Variants in TNRC6B observed in about 807,000 individuals in gnomAD.
The protein encoded by TNRC6B is trinucleotide repeat-containing gene 6B protein.
In TNRC6B, 52 loss-of-function variants were observed where a neutral mutation model predicts 203.6. The observed-to-expected ratio is 0.26, with a 90% confidence interval of 0.20 to 0.32. The LOEUF (loss-of-function observed/expected upper bound fraction) is 0.32, where lower values mean the gene tolerates loss of function less well. TNRC6B is among the 10% of genes least tolerant of loss of function. TNRC6B has a pLI of 1.00. For missense variants in TNRC6B, 1,923 were observed against 2,286.2 expected, an observed-to-expected ratio of 0.84 and a Z score of 3.24; for synonymous variants, 838 against 845.7, an observed-to-expected ratio of 0.99 and a Z score of 0.16.
intron 1 of TNRC6B, among the ~76,000 whole-genome samples, chr22:40,070,941 A>G (rs141609747): frequency 2.2e-4 from 33 of 152,312 alleles, no homozygotes; most frequent in African/African-American, 1.9e-4. Flanking sequence ...ATGTCAGTTC[A>G]GGTCAGACCT....
At chr22:40,083,826 T>G (rs560613713) in intron 1 of TNRC6B, among the ~76,000 whole-genome samples, 1 of 152,280 alleles carries the variant, frequency 6.6e-6, no homozygotes, top group South Asian at 2.1e-4. Context: ...CAGATCGTTG[T>G]ATTATGGTAT....
intron 1 of TNRC6B, among the ~76,000 whole-genome samples, chr22:40,098,493 C>A (rs544657526): frequency 6.6e-6 from 1 of 151,946 alleles, no homozygotes; most frequent in African/African-American, 2.4e-5. Flanking sequence ...CTCTGCATCC[C>A]GCCATCAGTA....
intron 12 of TNRC6B, among the ~76,000 whole-genome samples, chr22:40,297,343 C>G (rs576218105): frequency 6.6e-6 from 1 of 152,212 alleles, no homozygotes; most frequent in Admixed American, 6.5e-5. Context: ...CATTCCCATC[C>G]GTGACGGGAT....
chr22:40,147,412 A>T (rs761201789), intron 3 of TNRC6B, among the ~76,000 whole-genome samples: 1 of 152,238 alleles, frequency 6.6e-6, no homozygotes, highest in African/African-American at 2.4e-5. Context: ...TTATGCTGCT[A>T]TAACAAAATA....
At chr22:40,140,631 AT>A (rs1166885798) in intron 3 of TNRC6B, among the ~76,000 whole-genome samples, 2 of 151,814 alleles carry the variant, frequency 1.3e-5, no homozygotes, top group Non-Finnish European at 1.5e-5. Flanking sequence ...ATAGATGGTA[AT>A]TTTTTTTCTA....
Position 40,232,224 on chromosome 22 carries a change from T to C in TNRC6B, c.6-13791T>C, listed in dbSNP as rs113723008. On this transcript the variant is annotated intron_variant, in intron 1 of 22. Transcript: ENST00000454349. ...CTTTAACAGTATTAGCAGCGGCATA[T>C]CATACGGGACAAGTAAGTGGCAGGC... Among the ~76,000 whole-genome samples the C allele has an allele frequency of 1.0e-3, 156 of 152,312 alleles. 2 individuals are homozygous for C. Among genetic ancestry groups the C allele is most frequent in the Middle Eastern group, 6.8e-3 (2 of 294 alleles).
chr22:40,274,318 T>C (rs2070607478), intron 7 of TNRC6B, among the ~76,000 whole-genome samples: 1 of 152,186 alleles, frequency 6.6e-6, no homozygotes, highest in Non-Finnish European at 1.5e-5. Flanking sequence ...CACGTCTTGA[T>C]TTTATCTGAT....
chr22:40,234,018 G>A lies in TNRC6B; in HGVS notation c.6-11997G>A, dbSNP rs1403279182. ...AATACCTTCCCAGGCCGAGTGCGGT[G>A]CTCACACCTGTAATCCCAACAGTTT... On this transcript the variant is annotated intron_variant, in intron 1 of 22. Coordinates refer to ENST00000454349, the MANE Select transcript of TNRC6B (RefSeq NM_001162501.2). Among the ~76,000 whole-genome samples the A allele has an allele frequency of 2.0e-5, 3 of 152,202 alleles. No individual in the cohort carries two copies. The East Asian group carries it at 5.8e-4, about 29-fold the overall frequency.
At chr22:40,078,514 C>T (rs1388890466) in intron 1 of TNRC6B, among the ~76,000 whole-genome samples, 1 of 151,994 alleles carries the variant, frequency 6.6e-6, no homozygotes, top group African/African-American at 2.4e-5. Context: ...TGGAACGAGA[C>T]CCTGTCTCAA....
At chr22:40,175,392 G>T (rs1474659865), upstream of TNRC6B, among the ~76,000 whole-genome samples, 1 of 152,058 alleles carries the variant, frequency 6.6e-6, no homozygotes, top group Non-Finnish European at 1.5e-5. Flanking sequence ...CATATTATTT[G>T]AAATTAGAAC....
rs550944739 is a variant in TNRC6B at position 40,138,327 on chromosome 22, A to ATG, written c.45+12466_45+12467dup. Reference sequence around the variant, plus strand: ...GTTGCTCAGACTATTGTGTAGTGGTATGATCTCAGCTCACTGCAACCTCTG... The same window carrying ATG: ...GTTGCTCAGACTATTGTGTAGTGGTATGTGATCTCAGCTCACTGCAACCTCTG... On this transcript the variant is annotated intron_variant, in intron 3 of 23. Transcript: ENST00000301923. 1.4e-4 allele frequency among the ~76,000 whole-genome samples: 21 copies of ATG among 152,322 alleles called. No individual in the cohort carries two copies. In the South Asian group the frequency reaches 4.3e-3, roughly 32 times the overall value.
intron 16 of TNRC6B, among the ~76,000 whole-genome samples, chr22:40,309,859 A>G (rs2071149450): frequency 6.6e-6 from 1 of 152,170 alleles, no homozygotes; most frequent in African/African-American, 2.4e-5. Flanking sequence ...GCTCCAGAAA[A>G]GTAAATGCCC....
At chr22:40,214,752 CTA>C (rs927593054) in intron 1 of TNRC6B, among the ~76,000 whole-genome samples, 3 of 152,104 alleles carry the variant, frequency 2.0e-5, no homozygotes, top group Non-Finnish European at 4.4e-5. Flanking sequence ...TAGAGTCTTG[CTA>C]TATTGCCCAG....
chr22:40,278,663 G>A (rs2070685491), intron 9 of TNRC6B, among the ~76,000 whole-genome samples: 1 of 152,094 alleles, frequency 6.6e-6, no homozygotes, highest in Non-Finnish European at 1.5e-5. Context: ...TGCTCTGGAG[G>A]AATCCAGGCT....
At chr22:40,145,700 G>A (rs2068688327) in intron 3 of TNRC6B, among the ~76,000 whole-genome samples, 1 of 152,078 alleles carries the variant, frequency 6.6e-6, no homozygotes, top group Non-Finnish European at 1.5e-5. Context: ...AAATTAGCTG[G>A]GTGTGGTGGC....
At position 40,321,227 on chromosome 22, in the gene TNRC6B, C is replaced by T. The variant is rs200614580; in HGVS notation, c.5112C>T (p.His1704=). Residue 1704 remains histidine, a splice_region_variant and synonymous_variant, in exon 22 of 23, where the codon CAC becomes CAT. Coordinates refer to ENST00000454349, the MANE Select transcript of TNRC6B (RefSeq NM_001162501.2). ...CGGCCAAGGCCCAAACTGCACTGCA[C>T]ATGTGAGTATTCGGTCCTACACCCA... The part of the protein sequence containing the change: ...QEAAKAQTAL[H]MCVLGNTTIL... 1.6e-5 allele frequency: 26 copies of T among 1,613,690 alleles called. No individual in the cohort carries two copies. Among genetic ancestry groups the T allele is most frequent in the South Asian group, 2.2e-5 (2 of 91,084 alleles).
intron 1 of TNRC6B, among the ~76,000 whole-genome samples, chr22:40,065,301 C>T (rs1410962704): frequency 6.6e-6 from 1 of 151,922 alleles, no homozygotes; most frequent in African/African-American, 2.4e-5. Flanking sequence ...TGTGTACCAC[C>T]ACACCCAGCT....
chr22:40,202,112 GA>G (rs2069420136), intron 1 of TNRC6B, among the ~76,000 whole-genome samples: 4 of 152,128 alleles, frequency 2.6e-5, no homozygotes, highest in African/African-American at 9.7e-5. Flanking sequence ...GATGAGCTTT[GA>G]ATGTCAGAGA....
chr22:40,107,794 C>G (rs1601819153), intron 1 of TNRC6B, among the ~76,000 whole-genome samples: 2 of 151,982 alleles, frequency 1.3e-5, no homozygotes, highest in Non-Finnish European at 1.5e-5. Flanking sequence ...GGCTACCCCC[C>G]TTTCTCTGTT....
Sources: allele counts gnomAD v4.1 joint callset (sites outside exome capture counted in the v4.1 genomes callset), GRCh38; gene constraint gnomAD v4.1.1; transcripts MANE v1.5; gene names NCBI Gene and HGNC (gene_info 2026-07-23, HGNC 2026-07-21).